The following RMDN3 variants were observed in gnomAD, a reference collection of about 807,000 sequenced individuals.
RMDN3 encodes regulator of microtubule dynamics protein 3.
Under a neutral mutation model 61.8 loss-of-function variants are expected in RMDN3, and 41 were observed. The observed-to-expected ratio is 0.66, with a 90% confidence interval of 0.52 to 0.86. The LOEUF (loss-of-function observed/expected upper bound fraction) is 0.86, where lower values mean the gene tolerates loss of function less well. RMDN3 is among the 40% of genes least tolerant of loss of function. The pLI is 0.00. For synonymous variants in RMDN3, 247 were observed against 232.0 expected (o/e 1.06, Z -0.59); for missense variants, 557 against 585.3 (o/e 0.95, Z 0.50).
intron 6 of RMDN3, among the ~76,000 whole-genome samples, 153 bp from the exon 7 acceptor site, chr15:40,740,346 C>G (rs149607569): frequency 4.0e-4 from 61 of 152,342 alleles, no homozygotes; most frequent in African/African-American, 1.3e-3. Flanking sequence ...GAATGAAAGG[C>G]CGCAAAGAAG....
intron 4 of RMDN3, among the ~76,000 whole-genome samples, chr15:40,748,300 C>T (rs1897663585): frequency 1.3e-5 from 2 of 152,240 alleles, no homozygotes; most frequent in South Asian, 2.1e-4. Flanking sequence ...CCCCCTTGAC[C>T]TACATGGCAA....
intron 4 of RMDN3, among the ~76,000 whole-genome samples, chr15:40,745,591 C>G (rs1396563622): frequency 1.3e-5 from 2 of 151,852 alleles, no homozygotes; most frequent in Non-Finnish European, 2.9e-5. Context: ...GTCTCAAACC[C>G]CTGGCCTCAA....
At chr15:40,744,730 C>T (rs1357556820) in intron 5 of RMDN3, among the ~76,000 whole-genome samples, 1 of 152,082 alleles carries the variant, frequency 6.6e-6, no homozygotes, top group South Asian at 2.1e-4. Context: ...GAGAACTACA[C>T]TCCCCCTCCC....
At chr15:40,745,339 G>T in intron 4 of RMDN3, 80 bp from the exon 5 acceptor site, 1 of 1,381,356 alleles carries the variant, frequency 7.2e-7, no homozygotes, top group Non-Finnish European at 1.0e-6. Context: ...CACCCCCAAA[G>T]AAGCACTCTA....
At position 40,755,231 on chromosome 15, in the gene RMDN3, C is replaced by A. The variant is rs1324319145; in HGVS notation, c.-156G>T. The A allele has an allele frequency of 6.5e-6, 1 of 153,394 alleles. No homozygotes were observed. The highest frequency in any genetic ancestry group is 2.4e-5 in the African/African-American group (1 of 41,474). 9.5% of individuals were successfully genotyped at this position (153,394 alleles called of 1,614,324 possible). Reference sequence around the variant, plus strand: ...CCAGCCACCATGGCAGCAGCCGCCGCGGGCTCACGCTGTCAGTGACCGTGA... The same window carrying A: ...CCAGCCACCATGGCAGCAGCCGCCGAGGGCTCACGCTGTCAGTGACCGTGA... On this transcript the variant is annotated 5_prime_UTR_variant, in exon 1 of 13. Coordinates refer to ENST00000338376, the MANE Select transcript of RMDN3 (RefSeq NM_018145.3).
chr15:40,745,158 C>A lies in RMDN3; in HGVS notation c.626G>T (p.Arg209Ile). The A allele has an allele frequency of 6.2e-7, 1 of 1,614,194 alleles. No homozygotes were observed. Among genetic ancestry groups the A allele is most frequent in the East Asian group, 2.2e-5 (1 of 44,882 alleles). The change falls in exon 5 of 13, where the codon AGA becomes ATA. Residue 209 changes from arginine to isoleucine, a missense_variant. Coordinates refer to ENST00000338376, the MANE Select transcript of RMDN3 (RefSeq NM_018145.3). ...EVSCETVKMG[R>I]KDSLDLEEEA... Reference sequence around the variant, plus strand: ...TTCCTCCAAGTCAAGAGAATCCTTTCTCCCCATCTTCACAGTCTCACAGCT... The same window carrying A: ...TTCCTCCAAGTCAAGAGAATCCTTTATCCCCATCTTCACAGTCTCACAGCT...
At chr15:40,736,795 C>A (rs993894224) in intron 12 of RMDN3, among the ~76,000 whole-genome samples, 1 of 152,076 alleles carries the variant, frequency 6.6e-6, no homozygotes, top group African/African-American at 2.4e-5. Context: ...GAAATAAGAC[C>A]TCTAGGAAAG....
intron 2 of RMDN3, 61 bp downstream of exon 2, chr15:40,754,536 C>A: frequency 1.4e-6 from 2 of 1,479,438 alleles, no homozygotes; most frequent in Non-Finnish European, 1.8e-6. Context: ...CCACCGAAAG[C>A]AGCCCAGACC....
Position 40,752,053 on chromosome 15 carries a change from G to A in RMDN3, c.313C>T (p.Arg105Trp), listed in dbSNP as rs764325803. ...CTTCTCAGCTCCTCCACCTCCCGCC[G>A]CAGCGCCACAAGGCTGGTCAGCACA... Reference protein sequence around the residue: ...DFVLTSLVALRREVEELRSSL... With the variant: ...DFVLTSLVALWREVEELRSSL... Residue 105 changes from arginine (R) to tryptophan (W), a missense_variant, in exon 3 of 13, where the codon CGG becomes TGG. By Grantham distance (101) the Arg-to-Trp change is moderately radical. Coordinates refer to ENST00000338376, the MANE Select transcript of RMDN3 (RefSeq NM_018145.3). 6 of 1,614,190 alleles carry A rather than the reference G, an allele frequency of 3.7e-6. No homozygotes were observed. Among genetic ancestry groups the A allele is most frequent in the Admixed American group, 3.3e-5 (2 of 60,022 alleles).
At chr15:40,754,319 G>A (rs1897948293) in intron 2 of RMDN3, among the ~76,000 whole-genome samples, 1 of 152,052 alleles carries the variant, frequency 6.6e-6, no homozygotes, top group Non-Finnish European at 1.5e-5. Context: ...TAGTAGAGAT[G>A]GGGTTTCACC....
chr15:40,750,209 C>CA (rs1897755546), intron 4 of RMDN3, among the ~76,000 whole-genome samples: 1 of 123,312 alleles, frequency 8.1e-6, no homozygotes, highest in Admixed American at 9.0e-5. Flanking sequence ...ATGCCCAGCT[C>CA]GTTTTTTTTT....
chr15:40,737,928 T>G, intron 9 of RMDN3, 37 bp downstream of exon 9: 1 of 1,608,110 alleles, frequency 6.2e-7, no homozygotes, highest in Non-Finnish European at 8.5e-7. Flanking sequence ...CAGAAGGCAT[T>G]TAGGACCATT....
rs1897089271 is a variant in RMDN3, at chr15:40,737,193, T to C, written c.1290A>G (p.Glu430=). 1 of 1,614,090 alleles carries C rather than the reference T, an allele frequency of 6.2e-7. No homozygotes were observed. Among genetic ancestry groups the C allele is most frequent in the African/African-American group, 1.3e-5 (1 of 74,934 alleles). The change falls in exon 12 of 13, where the codon GAA becomes GAG. Residue 430 remains glutamate, a synonymous_variant. Transcript: ENST00000338376. ...GRVYISKCYR[E]LGKNSEARWW... ...ATCTAGCTTCAGAGTTTTTCCCTAG[T>C]TCTCTGTAGCACTGAAAAGAGACAA...
intron 2 of RMDN3, among the ~76,000 whole-genome samples, chr15:40,753,538 G>A (rs1407393216): frequency 6.6e-6 from 1 of 151,018 alleles, no homozygotes; most frequent in African/African-American, 2.5e-5. Context: ...AAAGAAAAAA[G>A]AAAAGAAAAG....
intron 7 of RMDN3, 77 bp downstream of exon 7, chr15:40,740,056 C>G (rs1897216945): frequency 1.1e-6 from 1 of 945,910 alleles, no homozygotes; most frequent in Non-Finnish European, 1.7e-6. Flanking sequence ...CTCTGTGGCC[C>G]AGGCAGAGAA....
chr15:40,751,588 C>T lies in RMDN3; in HGVS notation c.381-19G>A, dbSNP rs1897825864. The T allele has an allele frequency of 6.2e-7, 1 of 1,614,112 alleles. No homozygotes were observed. The highest frequency in any genetic ancestry group is 1.3e-5 in the African/African-American group (1 of 75,062). On this transcript the variant is annotated intron_variant, in intron 3 of 12. Coordinates refer to ENST00000338376, the MANE Select transcript of RMDN3 (RefSeq NM_018145.3). ...GTGGCATCTGGAAAGCAGGCCCCAT[C>T]CCGAAGGGTACCATTAGGTCCCATC...
rs755299299 is a variant in RMDN3, at chr15:40,744,219, C to A, written c.808-70G>T. The A allele has an allele frequency of 1.5e-5, 21 of 1,409,820 alleles. No homozygotes were observed. The East Asian group carries it at 4.8e-4, about 32-fold the overall frequency. 87.3% of individuals were successfully genotyped at this position (1,409,820 alleles called of 1,614,324 possible). ...GTGGAGAATGGGGGCCTTGGCCTTC[C>A]CCCACACCCTAGGTTTGAATTTCCA... On this transcript the variant is annotated intron_variant, in intron 5 of 12. Coordinates refer to ENST00000338376, the MANE Select transcript of RMDN3 (RefSeq NM_018145.3).
chr15:40,738,584 G>A lies in RMDN3; in HGVS notation c.972-8C>T, dbSNP rs1341208291. The A allele has an allele frequency of 1.2e-6, 2 of 1,614,010 alleles. No homozygotes were observed. Among genetic ancestry groups the A allele is most frequent in the African/African-American group, 2.7e-5 (2 of 75,008 alleles). On this transcript the variant is annotated splice_polypyrimidine_tract_variant and splice_region_variant and intron_variant, in intron 7 of 12. Transcript: ENST00000338376. ...CCACAAAGCACCGCATACCTAGGGG[G>A]GAAGCAGCAAGCTCAGGGACAAGGG...
At chr15:40,736,988 G>T in intron 12 of RMDN3, 136 bp downstream of exon 12, 1 of 755,150 alleles carries the variant, frequency 1.3e-6, no homozygotes, top group South Asian at 1.6e-5. Context: ...CGAGTAGCTG[G>T]AATTATAGGC....
Sources: allele counts gnomAD v4.1 joint callset (sites outside exome capture counted in the v4.1 genomes callset), GRCh38; gene constraint gnomAD v4.1.1; transcripts MANE v1.5; gene names NCBI Gene and HGNC (gene_info 2026-07-23, HGNC 2026-07-21).